SNED1: variants seen among roughly 807,000 people sequenced by gnomAD.
SNED1 encodes the protein sushi, nidogen and EGF-like domain-containing protein 1.
SNED1 carries 81 observed loss-of-function variants against 166.7 expected under a neutral mutation model. The observed-to-expected ratio is 0.49, with a 90% CI of 0.41 to 0.58. SNED1 has a LOEUF of 0.58. SNED1 is among the 20% of genes least tolerant of loss of function. The pLI is 0.00. For synonymous variants in SNED1, 762 were observed against 822.0 expected, an observed-to-expected ratio of 0.93 and a Z score of 1.25; for missense variants, 1,604 against 2,000.2, an observed-to-expected ratio of 0.80 and a Z score of 3.78.
intron 1 of SNED1, among the ~76,000 whole-genome samples, chr2:241,002,428 A>G (rs2060103726): frequency 6.6e-6 from 1 of 152,012 alleles, no homozygotes; most frequent in African/African-American, 2.4e-5. Context: ...TGCCCTATTC[A>G]CTGAGGTTCC....
chr2:241,087,752 G>A lies in SNED1; in HGVS notation c.4205+277G>A, dbSNP rs1161266136. 5 of 1,221,204 alleles carry A rather than the reference G, an allele frequency of 4.1e-6. No homozygotes were observed. The East Asian group carries it at 1.2e-4, about 29-fold the overall frequency. The allele number at this position is 1,221,204 out of a possible 1,614,324, so 75.6% of individuals were successfully genotyped here. On this transcript the variant is annotated intron_variant, in intron 30 of 31. Coordinates refer to ENST00000310397, the MANE Select transcript of SNED1 (RefSeq NM_001080437.3). Reference sequence around the variant, plus strand: ...CACACAGAACATGGTGCTACAATTGGGAAGCACAGGGTGTTACGGACAGCC... The same window carrying A: ...CACACAGAACATGGTGCTACAATTGAGAAGCACAGGGTGTTACGGACAGCC...
chr2:241,051,665 G>T lies in SNED1; in HGVS notation c.1736-79G>T. 1 of 1,152,028 alleles carries T rather than the reference G, an allele frequency of 8.7e-7. No homozygotes were observed. The highest frequency in any genetic ancestry group is 1.2e-6 in the Non-Finnish European group (1 of 840,756). 71.4% of individuals were successfully genotyped at this position (1,152,028 alleles called of 1,614,324 possible). A position where few individuals can be genotyped will look rare whatever the true frequency, so the allele number is the denominator to read the frequency against. On this transcript the variant is annotated intron_variant, in intron 12 of 31. Transcript: ENST00000310397. The surrounding 1 kb of genome is among the most constrained non-coding windows in gnomAD (Gnocchi z 4.7). Reference sequence around the variant, plus strand: ...GCCCCACCAGCACCAGAGGACTGAGGAGATGCCAGGAGGGTATAGTGGCTC... The same window carrying T: ...GCCCCACCAGCACCAGAGGACTGAGTAGATGCCAGGAGGGTATAGTGGCTC...
At chr2:241,008,990 C>A (rs1033857332) in intron 1 of SNED1, among the ~76,000 whole-genome samples, 9 of 152,158 alleles carry the variant, frequency 5.9e-5, no homozygotes, top group African/African-American at 2.2e-4. Context: ...GGGTTGGAGG[C>A]GGCAAAGTGG....
chr2:241,037,696 G>A (rs2061416084), intron 6 of SNED1, among the ~76,000 whole-genome samples: 1 of 152,218 alleles, frequency 6.6e-6, no homozygotes, highest in Non-Finnish European at 1.5e-5. Flanking sequence ...TGGGGATGTG[G>A]TGGGGCCGTC....
Position 241,068,977 on chromosome 2 carries a change from G to T in SNED1, c.3261G>T (p.Glu1087Asp). The T allele has an allele frequency of 6.4e-7, 1 of 1,556,840 alleles. No homozygotes were observed. The highest frequency in any genetic ancestry group is 8.7e-7 in the Non-Finnish European group (1 of 1,150,630). Reference protein sequence around the residue: ...LTTLSGLRGEEHPTESLATAP... With the variant: ...LTTLSGLRGEDHPTESLATAP... ...CCCTCAGTGGGCTCAGGGGAGAGGA[G>T]CACCCCACAGAGAGCCTGGCCACCG... The change falls in exon 23 of 32, where the codon GAG becomes GAT. Residue 1087 changes from glutamate to aspartate, a missense_variant. This residue lies in a region of SNED1 where 1,237 missense variants were observed against 1,620.8 expected (regional missense o/e 0.76). Transcript: ENST00000310397. The surrounding 1 kb of genome is among the most constrained non-coding windows in gnomAD (Gnocchi z 5.3).
intron 31 of SNED1, chr2:241,089,367 T>TA (rs542193760): frequency 1.9e-6 from 3 of 1,550,434 alleles, no homozygotes; most frequent in African/African-American, 1.4e-5. Context: ...GTTACGTGCC[T>TA]AAAAAAATAA....
chr2:241,071,669 T>TGCCGGAGCC lies in SNED1; in HGVS notation c.3685_3686insCGGAGCCGC (p.Leu1228_Arg1229insProGluPro). The TGCCGGAGCC allele has an allele frequency of 6.4e-7, 1 of 1,557,948 alleles. No homozygotes were observed. The highest frequency in any genetic ancestry group is 1.9e-5 in the Admixed American group (1 of 53,902). The stretch of plus-strand genomic sequence containing the variant: ...CCGCCCCCGGCGCGCCTGCCGGAGC[T>TGCCGGAGCC]GCGCCTGCTCAATGACCACAGCGCC... On this transcript the variant is annotated inframe_insertion, in exon 25 of 32. Transcript: ENST00000310397.
chr2:241,058,185 A>G (rs1020866578), intron 16 of SNED1, among the ~76,000 whole-genome samples: 3 of 152,212 alleles, frequency 2.0e-5, no homozygotes, highest in Non-Finnish European at 4.4e-5. Flanking sequence ...GAAAAGCATC[A>G]TTAAGAATGA....
intron 1 of SNED1, among the ~76,000 whole-genome samples, chr2:241,006,635 C>T (rs888920331): frequency 1.3e-5 from 2 of 152,298 alleles, no homozygotes; most frequent in Middle Eastern, 3.4e-3. Context: ...CACATATTTC[C>T]GTGTGTGTAT....
intron 1 of SNED1, among the ~76,000 whole-genome samples, chr2:241,005,032 T>C (rs1003611976): frequency 3.9e-5 from 6 of 152,128 alleles, no homozygotes; most frequent in Non-Finnish European, 8.8e-5. Context: ...ATGTTTTTTT[T>C]CTTTAAAACA....
chr2:241,077,323 A>G (rs987011216), intron 27 of SNED1, among the ~76,000 whole-genome samples: 3 of 152,224 alleles, frequency 2.0e-5, no homozygotes, highest in Non-Finnish European at 4.4e-5. Flanking sequence ...AAACTCTTAG[A>G]AGAAAACATA....
Position 241,013,202 on chromosome 2 carries a change from G to C in SNED1, c.213+14152G>C, listed in dbSNP as rs995752663. Among the ~76,000 whole-genome samples, 4 of 152,192 alleles carry C rather than the reference G, an allele frequency of 2.6e-5. No homozygotes were observed. Among genetic ancestry groups the C allele is most frequent in the Non-Finnish European group, 4.4e-5 (3 of 68,034 alleles). On this transcript the variant is annotated intron_variant, in intron 1 of 31. Coordinates refer to ENST00000310397, the MANE Select transcript of SNED1 (RefSeq NM_001080437.3). This position sits in a 1 kb window ranked among gnomAD's most constrained non-coding sequence, Gnocchi z 4.6. ...ACCCCAGAACTTACTCATCCTGTCT[G>C]ACTGAAGGTTTGCACCCTCCAATCA...
At chr2:241,053,766 A>G (rs536130564) in intron 16 of SNED1, among the ~76,000 whole-genome samples, 23 of 152,268 alleles carry the variant, frequency 1.5e-4, no homozygotes, top group Admixed American at 5.2e-4. Context: ...TCCAGAGAGC[A>G]TTGCCACTGA....
chr2:241,007,835 G>A (rs753475197), intron 1 of SNED1, among the ~76,000 whole-genome samples: 4 of 152,212 alleles, frequency 2.6e-5, no homozygotes, highest in African/African-American at 4.8e-5. Flanking sequence ...TTAACCGGCC[G>A]CTAGTTATTG....
chr2:240,999,013 C>A lies in SNED1; in HGVS notation c.176C>A (p.Pro59His). 2 of 1,326,076 alleles carry A rather than the reference C, an allele frequency of 1.5e-6. No individual in the cohort carries two copies. The highest frequency in any genetic ancestry group is 3.6e-5 in the Admixed American group (1 of 27,890). 82.1% of individuals were successfully genotyped at this position (1,326,076 alleles called of 1,614,324 possible). A position where few individuals can be genotyped will look rare whatever the true frequency, so the allele number is the denominator to read the frequency against. ...TCGGGGCTGCGGCCGCTCTCGGTGC[C>A]CTTCCCGTTCTTCGGTGCCGAGCAC... ...GGSGLRPLSV[P>H]FPFFGAEHSG... is the part of the protein sequence containing the mutation. Residue 59 changes from proline (P) to histidine (H), a missense_variant, in exon 1 of 32, where the codon CCC becomes CAC. Around this residue, in one of 2 missense-constraint regions of SNED1, gnomAD observed 1,237 missense variants for 1,620.8 expected, o/e 0.76. Coordinates refer to ENST00000310397, the MANE Select transcript of SNED1 (RefSeq NM_001080437.3). This position sits in a 1 kb window ranked among gnomAD's most constrained non-coding sequence, Gnocchi z 5.8.
In SNED1 at chr2:241,069,074, C is replaced by T; in HGVS notation, c.3307+51C>T. 7.8e-7 allele frequency: 1 copy of T among 1,288,246 alleles called. No homozygotes were observed. The highest frequency in any genetic ancestry group is 1.1e-6 in the Non-Finnish European group (1 of 924,490). The allele number at this position is 1,288,246 out of a possible 1,614,324, so 79.8% of individuals were successfully genotyped here. ...CACACGAAAGGCCGTCTTCTAGAAG[C>T]TCTGGCTTCCTTCCAGCCTCCCCTA... is the stretch of plus-strand genomic sequence containing the variant. On this transcript the variant is annotated intron_variant, in intron 23 of 31. Coordinates refer to ENST00000310397, the MANE Select transcript of SNED1 (RefSeq NM_001080437.3). This position sits in a 1 kb window ranked among gnomAD's most constrained non-coding sequence, Gnocchi z 4.9.
intron 1 of SNED1, among the ~76,000 whole-genome samples, chr2:241,014,847 C>T (rs2060530569): frequency 6.6e-6 from 1 of 152,076 alleles, no homozygotes; most frequent in Non-Finnish European, 1.5e-5. Context: ...CTCTTGGGGC[C>T]CGAGGTAGAG....
Position 241,050,397 on chromosome 2 carries a change from A to G in SNED1, c.1735+464A>G, listed in dbSNP as rs542929336. 1.0e-3 allele frequency among the ~76,000 whole-genome samples: 153 copies of G among 152,164 alleles called. 1 individual carries two copies. Among genetic ancestry groups the G allele is most frequent in the African/African-American group, 3.4e-3 (140 of 41,512 alleles). On this transcript the variant is annotated intron_variant, in intron 12 of 31. Transcript: ENST00000310397. ...GGACTGTCCCTTCTGTGCAGTTTGA[A>G]GCAACAGTCAGGACTCCCATCAGTC...
intron 27 of SNED1, among the ~76,000 whole-genome samples, chr2:241,080,706 T>C (rs1575109551): frequency 6.6e-6 from 1 of 152,346 alleles, no homozygotes; most frequent in East Asian, 1.9e-4. Context: ...CCATGAAATA[T>C]ACCAATATCT....
Sources: gnomAD v4.1 joint callset for allele counts (sites outside exome capture counted in the v4.1 genomes callset) on GRCh38, gnomAD v4.1.1 for gene constraint, gnomAD v4.1.1 regional missense constraint, Gnocchi (gnomAD v3.1) non-coding constraint, MANE v1.5 for transcripts, NCBI Gene and HGNC (gene_info 2026-07-23, HGNC 2026-07-21) for gene names.